TLE6: variants seen among roughly 807,000 people sequenced by gnomAD.
TLE6 encodes the protein transducin-like enhancer protein 6.
In TLE6, 72 loss-of-function variants were observed where a neutral mutation model predicts 77.1. The ratio of observed to expected loss-of-function variants is 0.93; its 90% CI spans 0.77 to 1.14. The LOEUF is 1.14. TLE6 is among the 50% of genes most tolerant of loss of function. The pLI, the probability that TLE6 is intolerant of heterozygous loss-of-function variation, is 0.00. For synonymous variants in TLE6, 366 were observed against 287.3 expected (o/e 1.27, Z -2.77); for missense variants, 843 against 747.6 (o/e 1.13, Z -1.49).
At position 2,987,366 on chromosome 19, in the gene TLE6, A is replaced by G. The variant is rs140280450; in HGVS notation, c.552A>G (p.Pro184=). 107 of 1,613,880 alleles carry G rather than the reference A, an allele frequency of 6.6e-5. No homozygotes were observed. The African/African-American group carries it at 1.3e-3, about 20-fold the overall frequency. ...KAKPRDRQQA[P]GLGQESKAPG... ...TTGTCATGGTGACAGAGCAGGCACCAGGCCTGGTGAGTAAACAACCTCAGC... is the reference window on the plus strand; with the variant it reads ...TTGTCATGGTGACAGAGCAGGCACCGGGCCTGGTGAGTAAACAACCTCAGC... The change falls in exon 8 of 17, where the codon CCA becomes CCG. Residue 184 remains proline (P), a synonymous_variant. Coordinates refer to ENST00000246112, the MANE Select transcript of TLE6 (RefSeq NM_001143986.2).
chr19:2,980,428 A>G (rs578166644), intron 3 of TLE6: 6 of 337,724 alleles, frequency 1.8e-5, no homozygotes, highest in African/African-American at 4.3e-5. Context: ...TTGGCATTCA[A>G]TTTTATTGTT....
Sources: gnomAD v4.1 joint callset for allele counts on GRCh38, gnomAD v4.1.1 for gene constraint, MANE v1.5 for transcripts, NCBI Gene and HGNC (gene_info 2026-07-23, HGNC 2026-07-21) for gene names.